ANO2: variants seen among roughly 807,000 people sequenced by gnomAD.
ANO2 encodes the protein anoctamin 2.
Under a neutral mutation model 124.2 loss-of-function variants are expected in ANO2, and 101 were observed. That is an observed-to-expected ratio of 0.81 (90% CI 0.69 to 0.96). The LOEUF (loss-of-function observed/expected upper bound fraction) is 0.96. Ranked by LOEUF, ANO2 falls within the 40% of genes least tolerant of loss-of-function variation. The pLI is 0.00. For missense variants in ANO2, 1,293 were observed against 1,274.5 expected (o/e 1.01, Z -0.22); for synonymous variants, 486 against 482.5 (o/e 1.01, Z -0.09).
intron 11 of ANO2, among the ~76,000 whole-genome samples, chr12:5,748,409 C>T (rs956683084): frequency 6.6e-6 from 1 of 152,152 alleles, no homozygotes; most frequent in African/African-American, 2.4e-5. Flanking sequence ...GGCAAGCCCA[C>T]GTGAAGCTAC....
chr12:5,824,034 G>T (rs1319312191), intron 7 of ANO2, among the ~76,000 whole-genome samples: 1 of 152,182 alleles, frequency 6.6e-6, no homozygotes, highest in East Asian at 1.9e-4. Flanking sequence ...CAAGTCCCTA[G>T]GCTGCACACA....
chr12:5,568,057 CA>C (rs1449759006), intron 23 of ANO2, among the ~76,000 whole-genome samples: 1 of 151,860 alleles, frequency 6.6e-6, no homozygotes, highest in Non-Finnish European at 1.5e-5. Flanking sequence ...TTACACAAAA[CA>C]TACTTTGTTG....
intron 13 of ANO2, chr12:5,733,146 A>G: frequency 1.8e-6 from 1 of 553,354 alleles, no homozygotes; most frequent in South Asian, 2.1e-5. Context: ...GGCGACCAAT[A>G]AACATCAAAG....
chr12:5,938,340 A>G (rs188701215), intron 1 of ANO2, among the ~76,000 whole-genome samples: 1 of 152,300 alleles, frequency 6.6e-6, no homozygotes, highest in East Asian at 1.9e-4. Flanking sequence ...TCTTTCAGGG[A>G]TTGTACTTCT....
At chr12:5,590,495 C>T (rs1200905817) in intron 20 of ANO2, among the ~76,000 whole-genome samples, 3 of 152,204 alleles carry the variant, frequency 2.0e-5, no homozygotes, top group African/African-American at 4.8e-5. Context: ...AGCCTGCAGG[C>T]AGAAAGGCTT....
intron 3 of ANO2, among the ~76,000 whole-genome samples, chr12:5,886,154 T>A (rs934405479): frequency 1.3e-5 from 2 of 152,156 alleles, no homozygotes; most frequent in African/African-American, 2.4e-5. Context: ...AGAGGAAAAG[T>A]AGAGATTTGA....
At chr12:5,649,588 T>G (rs1263695761) in intron 14 of ANO2, among the ~76,000 whole-genome samples, 1 of 152,148 alleles carries the variant, frequency 6.6e-6, no homozygotes, top group East Asian at 1.9e-4. Context: ...ACTCACACAC[T>G]AAAGTTTTCC....
intron 3 of ANO2, among the ~76,000 whole-genome samples, chr12:5,912,286 G>A (rs1941100266): frequency 6.6e-6 from 1 of 152,134 alleles, no homozygotes; most frequent in African/African-American, 2.4e-5. Context: ...TGGGGAGTAT[G>A]AGAGAATAAA....
In ANO2 at chr12:5,562,987, A is replaced by G. The variant is rs577541851; in HGVS notation, c.*312T>C. 4 of 367,638 alleles carry G rather than the reference A, an allele frequency of 1.1e-5. No homozygotes were observed. The highest frequency in any genetic ancestry group is 4.1e-5 in the Admixed American group (1 of 24,524). 22.8% of individuals were successfully genotyped at this position (367,638 alleles called of 1,614,324 possible). A position where few individuals can be genotyped will look rare whatever the true frequency, so the allele number is the denominator to read the frequency against. ...AGTACAAGAGGGTGCCCCAGGGTACATGGGAATGCTCGCGGTGCCTGAGAC... is the reference window on the plus strand; with the variant it reads ...AGTACAAGAGGGTGCCCCAGGGTACGTGGGAATGCTCGCGGTGCCTGAGAC... On this transcript the variant is annotated 3_prime_UTR_variant, in exon 25 of 25. Coordinates refer to ENST00000682330, the MANE Select transcript of ANO2 (RefSeq NM_001364791.2).
chr12:5,599,469 A>C lies in ANO2; in HGVS notation c.2233+15T>G. On this transcript the variant is annotated intron_variant, in intron 20 of 24. Transcript: ENST00000682330. ...GAACCTGCCCCCAGTGGAAGGCAGG[A>C]CCATGGGTTCTCACTCATTTCCATG... The C allele has an allele frequency of 6.3e-7, 1 of 1,596,682 alleles. No individual in the cohort carries two copies. The highest frequency in any genetic ancestry group is 1.2e-5 in the South Asian group (1 of 86,738).
intron 10 of ANO2, among the ~76,000 whole-genome samples, chr12:5,778,577 G>A (rs529396052): frequency 4.6e-5 from 7 of 152,114 alleles, no homozygotes; most frequent in Non-Finnish European, 7.4e-5. Context: ...CCAATAGATG[G>A]CATAGCATAA....
intron 3 of ANO2, among the ~76,000 whole-genome samples, chr12:5,916,187 G>A (rs1047480170): frequency 3.9e-5 from 6 of 152,262 alleles, no homozygotes; most frequent in African/African-American, 1.4e-4. Context: ...TGAGGCAGGA[G>A]GATCACCGGC....
At chr12:5,872,595 G>A (rs1049028595) in intron 3 of ANO2, among the ~76,000 whole-genome samples, 3 of 152,104 alleles carry the variant, frequency 2.0e-5, no homozygotes, top group Non-Finnish European at 2.9e-5. Context: ...TCAGTTCTAC[G>A]TTTTAGAAGA....
rs1315596556 is a variant in ANO2, at chr12:5,854,063, T to C, written c.613A>G (p.Ile205Val). 9.9e-6 allele frequency: 16 copies of C among 1,613,232 alleles called. No homozygotes were observed. The highest frequency in any genetic ancestry group is 1.3e-5 in the Non-Finnish European group (15 of 1,179,536). Residue 205 changes from isoleucine (I) to valine (V), a missense_variant, in exon 4 of 25, where the codon ATC becomes GTC. By Grantham distance (29) the Ile-to-Val change is conservative. Coordinates refer to ENST00000682330, the MANE Select transcript of ANO2 (RefSeq NM_001364791.2). The stretch of plus-strand genomic sequence containing the variant: ...CATACTTTCTTGGTAGGAACTTTGA[T>C]CTTCAAGAATTCTGCCTCTCTGGCC... ...VLAREAEFLK[I>V]KVPTKKMYEI...
intron 10 of ANO2, among the ~76,000 whole-genome samples, chr12:5,756,114 T>C (rs1951573123): frequency 6.6e-6 from 1 of 152,006 alleles, no homozygotes; most frequent in South Asian, 2.1e-4. Flanking sequence ...ACAATGATTC[T>C]TTCTTCTGCT....
rs566229274 is a variant in ANO2 at position 5,930,600 on chromosome 12, C to T, written c.23-7796G>A. On this transcript the variant is annotated intron_variant, in intron 1 of 24. Transcript: ENST00000682330. Reference sequence around the variant, plus strand: ...ACCTGGGTGCTTTCAGATTGAAGACCCTCCCCCTGGACCCCTCCTCAAGTG... The same window carrying T: ...ACCTGGGTGCTTTCAGATTGAAGACTCTCCCCCTGGACCCCTCCTCAAGTG... 3.3e-5 allele frequency among the ~76,000 whole-genome samples: 5 copies of T among 152,162 alleles called. No homozygotes were observed. In the South Asian group the frequency reaches 1.0e-3, roughly 32 times the overall value.
At chr12:5,584,761 G>C (rs1477533631) in intron 20 of ANO2, among the ~76,000 whole-genome samples, 1 of 152,224 alleles carries the variant, frequency 6.6e-6, no homozygotes, top group Non-Finnish European at 1.5e-5. Flanking sequence ...AAAAGACAGT[G>C]AGAAGAAAAG....
chr12:5,904,213 G>A lies in ANO2; in HGVS notation c.534+16827C>T, dbSNP rs56201315. 4.6e-5 allele frequency among the ~76,000 whole-genome samples: 7 copies of A among 152,146 alleles called. No individual in the cohort carries two copies. The highest frequency in any genetic ancestry group is 1.4e-4 in the African/African-American group (6 of 41,416). On this transcript the variant is annotated intron_variant, in intron 3 of 24. Coordinates refer to ENST00000682330, the MANE Select transcript of ANO2 (RefSeq NM_001364791.2). The surrounding 1 kb of genome is among the most constrained non-coding windows in gnomAD (Gnocchi z 4.1). The stretch of plus-strand genomic sequence containing the variant: ...GCTTATGGAAGCTGTAGTAAAGAAG[G>A]GGGGACTCCCATCTGGGACCATGGT...
At chr12:5,604,704 A>G (rs1944123723) in intron 19 of ANO2, among the ~76,000 whole-genome samples, 1 of 152,122 alleles carries the variant, frequency 6.6e-6, no homozygotes, top group African/African-American at 2.4e-5. Context: ...TGAATTTATC[A>G]TTCCCAGATT....
Sources: allele counts gnomAD v4.1 joint callset (sites outside exome capture counted in the v4.1 genomes callset), GRCh38; gene constraint gnomAD v4.1.1; non-coding constraint Gnocchi (gnomAD v3.1); transcripts MANE v1.5; gene names NCBI Gene and HGNC (gene_info 2026-07-23, HGNC 2026-07-21).